Variants in LINC00632 observed in about 807,000 individuals in gnomAD.
The protein encoded by LINC00632 is long independently transcribed non-coding RNA 632, also known as ALDOA related specific transcript.
At chrX:140,764,879 G>GCTATCTTTTACC (rs1185965034) in intron 3 of LINC00632, among the ~76,000 whole-genome samples, 2 of 110,797 alleles carry the variant, frequency 1.8e-5, no homozygotes, top group East Asian at 5.7e-4. Flanking sequence ...CCTCCTCCGG[G>GCTATCTTTTACC]CTATCTTTTA....
chrX:140,775,725 G>A (rs772128228), exon 5 of LINC00632, among the ~76,000 whole-genome samples: 1 of 110,471 alleles, frequency 9.1e-6, no homozygotes, highest in Admixed American at 9.6e-5. Context: ...AGACAACCTG[G>A]AATGAGGAAA....
intron 3 of LINC00632, among the ~76,000 whole-genome samples, chrX:140,735,873 T>C (rs1384510810): frequency 9.0e-6 from 1 of 110,846 alleles, no homozygotes; most frequent in African/African-American, 3.3e-5. Context: ...GCCTTTAATT[T>C]ATTATATTCT....
intron 3 of LINC00632, among the ~76,000 whole-genome samples, chrX:140,762,468 A>G (rs972980968): frequency 4.4e-5 from 5 of 112,566 alleles, no homozygotes; most frequent in Non-Finnish European, 9.4e-5. Flanking sequence ...TTTGACTGTG[A>G]GAAAAATGAT....
chrX:140,790,917 T>C (rs1455445151), exon 5 of LINC00632, among the ~76,000 whole-genome samples: 1 of 111,992 alleles, frequency 8.9e-6, no homozygotes, highest in Non-Finnish European at 1.9e-5. Flanking sequence ...TCTTGATTTC[T>C]TAGATACACA....
chrX:140,744,277 T>C (rs1276477015), intron 3 of LINC00632, among the ~76,000 whole-genome samples: 2 of 109,647 alleles, frequency 1.8e-5, no homozygotes, highest in Non-Finnish European at 3.8e-5. Context: ...GTTAGGGAGA[T>C]AGGAGGTAAA....
intron 3 of LINC00632, among the ~76,000 whole-genome samples, chrX:140,742,609 T>TA (rs1250229603): frequency 4.5e-5 from 5 of 110,292 alleles, no homozygotes; most frequent in South Asian, 3.9e-4. Flanking sequence ...TGCAAGTACA[T>TA]AAAAAAAATC....
intron 2 of LINC00632, among the ~76,000 whole-genome samples, chrX:140,722,259 T>A (rs150898703): frequency 0.055 from 5,960 of 108,965 alleles, 169 homozygotes; most frequent in Middle Eastern, 0.098. Context: ...AATATATGAA[T>A]TCATCACACA....
intron 3 of LINC00632, among the ~76,000 whole-genome samples, chrX:140,736,887 T>C (rs1484689188): frequency 9.2e-6 from 1 of 108,236 alleles, no homozygotes; most frequent in Non-Finnish European, 1.9e-5. Flanking sequence ...TTTTTCTTTT[T>C]TCTTTTTCTT....
intron 2 of LINC00632, chrX:140,711,680 T>TC (rs1294736165): frequency 1.4e-5 from 4 of 294,822 alleles, no homozygotes; most frequent in Non-Finnish European, 2.7e-5. Context: ...TAAGGTTTCT[T>TC]CCCCCCAACA....
chrX:140,734,654 T>A (rs1390658192), intron 3 of LINC00632, among the ~76,000 whole-genome samples: 2 of 110,674 alleles, frequency 1.8e-5, no homozygotes, highest in African/African-American at 6.6e-5. Context: ...AAGATTAAAA[T>A]TTTTATCATA....
chrX:140,784,441 C>T (rs1931987498), exon 5 of LINC00632: 8 of 1,115,320 alleles, frequency 7.2e-6, no homozygotes, highest in Admixed American at 7.1e-5. Context: ...AAATCCATGT[C>T]TTCCTATATC....
chrX:140,728,792 C>T (rs1478079493), intron 2 of LINC00632, among the ~76,000 whole-genome samples: 1 of 111,590 alleles, frequency 9.0e-6, no homozygotes, highest in East Asian at 2.8e-4. Flanking sequence ...GACATACAGA[C>T]TCAACCCATG....
intron 2 of LINC00632, among the ~76,000 whole-genome samples, chrX:140,717,476 C>G (rs1260647932): frequency 9.0e-6 from 1 of 110,805 alleles, no homozygotes; most frequent in Non-Finnish European, 1.9e-5. Flanking sequence ...ACCATCCCAA[C>G]TGCACAGCGT....
At chrX:140,766,868 T>A (rs1458231345) in intron 3 of LINC00632, among the ~76,000 whole-genome samples, 1 of 111,985 alleles carries the variant, frequency 8.9e-6, no homozygotes, top group Admixed American at 9.5e-5. Context: ...TTCTTACCGT[T>A]TTGATAGGAA....
At chrX:140,771,212 T>C (rs945251593) in intron 3 of LINC00632, among the ~76,000 whole-genome samples, 3 of 110,037 alleles carry the variant, frequency 2.7e-5, no homozygotes, top group African/African-American at 1.0e-4. Context: ...GGAAAGACTT[T>C]TCAAAGCAAG....
At chrX:140,723,435 ATACATACACACACATTC>A (rs1253279700) in intron 2 of LINC00632, among the ~76,000 whole-genome samples, 1,076 of 20,607 alleles carry the variant, frequency 0.052, 43 homozygotes, top group African/African-American at 0.16. Flanking sequence ...CACACATTCC[ATACATACACACACATTC>A]CACACACACA....
intron 2 of LINC00632, among the ~76,000 whole-genome samples, chrX:140,721,794 A>G (rs976749745): frequency 1.8e-5 from 2 of 111,518 alleles, no homozygotes; most frequent in African/African-American, 6.5e-5. Flanking sequence ...GTTAGATAAC[A>G]TACAGAAAAA....
intron 3 of LINC00632, among the ~76,000 whole-genome samples, chrX:140,755,520 A>C (rs1602747377): frequency 8.9e-6 from 1 of 112,390 alleles, no homozygotes; most frequent in Non-Finnish European, 1.9e-5. Context: ...AGTTTTGTGA[A>C]GCTTTCATGA....
intron 2 of LINC00632, among the ~76,000 whole-genome samples, chrX:140,713,310 GC>G (rs755410734): frequency 1.2e-4 from 13 of 110,424 alleles, no homozygotes; most frequent in Non-Finnish European, 2.3e-4. Flanking sequence ...TGCCCTCAGG[GC>G]CCCGAGGGGA....
Sources: gnomAD v4.1 joint callset for allele counts (sites outside exome capture counted in the v4.1 genomes callset) on GRCh38, gnomAD v4.1.1 for gene constraint, MANE v1.5 for transcripts, NCBI Gene and HGNC (gene_info 2026-07-23, HGNC 2026-07-21) for gene names.